UIMC1: variants seen among roughly 807,000 people sequenced by gnomAD.
UIMC1 encodes ubiquitin interaction motif containing 1.
UIMC1 carries 42 observed loss-of-function variants against 84.9 expected under a neutral mutation model. The ratio of observed to expected loss-of-function variants is 0.49; its 90% CI spans 0.39 to 0.64. The LOEUF is 0.64. Among genes scored for constraint, UIMC1 ranks in the 30% least tolerant of loss-of-function variants. The probability of loss-of-function intolerance (pLI) is 0.00; values close to 1 mark genes in which losing one functional copy is unlikely to be tolerated. For missense variants in UIMC1, 825 were observed against 847.6 expected, an observed-to-expected ratio of 0.97 and a Z score of 0.33; for synonymous variants, 281 against 293.0, an observed-to-expected ratio of 0.96 and a Z score of 0.42.
intron 1 of UIMC1, among the ~76,000 whole-genome samples, chr5:176,993,488 C>T (rs1561906472): frequency 6.6e-6 from 1 of 152,044 alleles, no homozygotes. Context: ...CATGCCCAGG[C>T]ACAAATATTT....
chr5:176,991,072 A>C (rs1453665992), intron 1 of UIMC1, among the ~76,000 whole-genome samples: 2 of 151,932 alleles, frequency 1.3e-5, no homozygotes, highest in Non-Finnish European at 2.9e-5. Context: ...CAGTGGCACT[A>C]TCTCGGCTCA....
chr5:176,958,844 T>C (rs568889849), intron 6 of UIMC1, among the ~76,000 whole-genome samples: 5 of 152,372 alleles, frequency 3.3e-5, no homozygotes, highest in African/African-American at 1.2e-4. Context: ...TTGACGCAAA[T>C]ACCAACTCAT....
rs1266662067 is a variant in UIMC1, at chr5:176,968,932, T to A, written c.823A>T (p.Asn275Tyr). The change falls in exon 6 of 15, where the codon AAC (asparagine) becomes TAC (tyrosine). Residue 275 changes from asparagine to tyrosine, a missense_variant. Transcript: ENST00000511320. The part of the protein sequence containing the change: ...KGLQDTGGTV[N>Y]YFWGIPFCPD... ...CAGAATGGAATACCCCAGAAATAGT[T>A]CACAGTGCCCCCAGTGTCCTGGAGA... The A allele has an allele frequency of 6.2e-7, 1 of 1,614,006 alleles. No homozygotes were observed. The highest frequency in any genetic ancestry group is 8.5e-7 in the Non-Finnish European group (1 of 1,180,012).
rs1771864389 is a variant in UIMC1, at chr5:176,985,608, T to C, written c.-8-2985A>G. On this transcript the variant is annotated intron_variant, in intron 1 of 14. Transcript: ENST00000511320. ...CTACATATTATAATTTACCTACAAGTTTTTTTTCTTTTTTGAGACAAGGTC... is the reference window on the plus strand; with the variant it reads ...CTACATATTATAATTTACCTACAAGCTTTTTTTCTTTTTTGAGACAAGGTC... 1.3e-5 allele frequency among the ~76,000 whole-genome samples: 2 copies of C among 148,748 alleles called. 1 individual carries two copies. Among genetic ancestry groups the C allele is most frequent in the South Asian group, 4.4e-4 (2 of 4,576 alleles).
At chr5:177,014,785 C>T (rs1775638358) in intron 1 of UIMC1, among the ~76,000 whole-genome samples, 1 of 152,114 alleles carries the variant, frequency 6.6e-6, no homozygotes, top group Non-Finnish European at 1.5e-5. Flanking sequence ...GGAGAACCTA[C>T]CACAGTGCTA....
At chr5:177,001,859 A>C (rs570146614) in intron 1 of UIMC1, 2 of 149,858 alleles carry the variant, frequency 1.3e-5, no homozygotes, top group East Asian at 4.0e-4. Context: ...CTGAGGCAGG[A>C]GAATGGTGTG....
At chr5:176,994,954 G>GT (rs1468876948) in intron 1 of UIMC1, among the ~76,000 whole-genome samples, 9 of 100,964 alleles carry the variant, frequency 8.9e-5, no homozygotes, top group African/African-American at 4.3e-4. Context: ...TCACTCTGGG[G>GT]CGGGGTGTGG....
chr5:176,960,866 C>G (rs1201845818), intron 6 of UIMC1, among the ~76,000 whole-genome samples: 1 of 60,844 alleles, frequency 1.6e-5, no homozygotes, highest in African/African-American at 1.3e-4. Flanking sequence ...CCCCTAACCG[C>G]GAGTGATCCG....
intron 9 of UIMC1, among the ~76,000 whole-genome samples, chr5:176,949,406 C>T (rs1346229282): frequency 6.6e-6 from 1 of 152,224 alleles, no homozygotes; most frequent in Admixed American, 6.5e-5. Context: ...ACAGTCTCGT[C>T]TGCAGTCATG....
At chr5:176,953,530 A>ACACACACC (rs1486168664) in intron 8 of UIMC1, among the ~76,000 whole-genome samples, 28 of 151,200 alleles carry the variant, frequency 1.9e-4, no homozygotes, top group Admixed American at 1.1e-3. Flanking sequence ...ACACACACAC[A>ACACACACC]CCTTATTGGA....
chr5:176,936,038 C>T (rs1270132370), intron 10 of UIMC1, among the ~76,000 whole-genome samples: 2 of 152,174 alleles, frequency 1.3e-5, no homozygotes, highest in Non-Finnish European at 2.9e-5. Context: ...CTTATTCTTA[C>T]CCCTTTGACT....
At chr5:176,983,351 C>T (rs1348419642) in intron 1 of UIMC1, among the ~76,000 whole-genome samples, 1 of 151,794 alleles carries the variant, frequency 6.6e-6, no homozygotes, top group African/African-American at 2.4e-5. Context: ...TCTCCTGCCT[C>T]GGCCTGCCAA....
In UIMC1 at chr5:176,958,124, C is replaced by T. The variant is rs1485899110; in HGVS notation, c.1231G>A (p.Glu411Lys). 1 of 1,613,728 alleles carries T rather than the reference C, an allele frequency of 6.2e-7. No individual in the cohort carries two copies. The highest frequency in any genetic ancestry group is 8.5e-7 in the Non-Finnish European group (1 of 1,179,820). The change falls in exon 7 of 15, where the codon GAA becomes AAA. Residue 411 changes from glutamate (E) to lysine (K), a missense_variant. Transcript: ENST00000511320. ...GAAGCAGGTACAGAGTTTCCCTCTTCAGAAGTTTCTTCAACAATCCCTTGG... is the reference window on the plus strand; with the variant it reads ...GAAGCAGGTACAGAGTTTCCCTCTTTAGAAGTTTCTTCAACAATCCCTTGG... The part of the protein sequence containing the change: ...SSQGIVEETS[E>K]EGNSVPASQS...
intron 1 of UIMC1, among the ~76,000 whole-genome samples, chr5:177,021,979 TG>T (rs1380493357): frequency 6.6e-6 from 1 of 151,890 alleles, no homozygotes; most frequent in Non-Finnish European, 1.5e-5. Context: ...AAGAGTGAGA[TG>T]GGAAGCTGTT....
chr5:176,969,417 T>C, intron 5 of UIMC1, 126 bp from the exon 6 acceptor site: 2 of 1,414,404 alleles, frequency 1.4e-6, no homozygotes, highest in African/African-American at 2.9e-5. Context: ...TTTAACCAAA[T>C]GTTGGTTTTT....
intron 6 of UIMC1, 90 bp downstream of exon 6, chr5:176,968,465 G>A (rs1018880888): frequency 7.4e-6 from 11 of 1,487,506 alleles, no homozygotes; most frequent in Non-Finnish European, 9.0e-6. Flanking sequence ...AATAATCAAG[G>A]AGGGGAAGAC....
At chr5:176,919,774 G>A (rs776767805) in intron 10 of UIMC1, among the ~76,000 whole-genome samples, 10 of 152,152 alleles carry the variant, frequency 6.6e-5, no homozygotes, top group Non-Finnish European at 1.3e-4. Context: ...GAATTGTCTT[G>A]ACATTCTTCT....
intron 6 of UIMC1, among the ~76,000 whole-genome samples, chr5:176,959,207 TC>T: frequency 6.6e-6 from 1 of 152,338 alleles, no homozygotes; most frequent in South Asian, 2.1e-4. Context: ...ACCTGTCTCT[TC>T]CTTTGAACTC....
At chr5:176,956,722 G>A (rs967781204) in intron 7 of UIMC1, among the ~76,000 whole-genome samples, 17 of 151,378 alleles carry the variant, frequency 1.1e-4, no homozygotes, top group African/African-American at 3.9e-4. Context: ...TGCTTCACAG[G>A]GCTTTACGAT....
Sources: allele counts gnomAD v4.1 joint callset (sites outside exome capture counted in the v4.1 genomes callset), GRCh38; gene constraint gnomAD v4.1.1; transcripts MANE v1.5; gene names NCBI Gene and HGNC (gene_info 2026-07-23, HGNC 2026-07-21).